PCDH15: variants seen among roughly 807,000 people sequenced by gnomAD.
PCDH15 encodes the protein protocadherin related 15.
In PCDH15, 129 loss-of-function variants were observed where a neutral mutation model predicts 178.5. That is an observed-to-expected ratio of 0.72 (90% CI 0.63 to 0.84). The LOEUF (loss-of-function observed/expected upper bound fraction) is 0.84. PCDH15 is among the 40% of genes least tolerant of loss of function. PCDH15 has a pLI of 0.00. For synonymous variants in PCDH15, 800 were observed against 732.0 expected (o/e 1.09, Z -1.50); for missense variants, 2,230 against 2,099.9 (o/e 1.06, Z -1.21).
At chr10:55,151,751 T>G (rs1838721402) in intron 2 of PCDH15, among the ~76,000 whole-genome samples, 1 of 152,102 alleles carries the variant, frequency 6.6e-6, no homozygotes, top group African/African-American at 2.4e-5. Flanking sequence ...ACTTTTATTA[T>G]GTTTCTGTTT....
intron 8 of PCDH15, among the ~76,000 whole-genome samples, chr10:54,252,657 T>C (rs909065830): frequency 3.3e-5 from 5 of 152,286 alleles, no homozygotes; most frequent in East Asian, 1.9e-4. Context: ...ATTATGTAAA[T>C]ATATCTTTCT....
intron 2 of PCDH15, among the ~76,000 whole-genome samples, chr10:54,938,762 T>A (rs1837976034): frequency 6.6e-6 from 1 of 152,200 alleles, no homozygotes; most frequent in Admixed American, 6.5e-5. Flanking sequence ...ATAATTTTGG[T>A]GATTGCAATC....
At chr10:54,594,032 G>A (rs1021439794) in intron 2 of PCDH15, among the ~76,000 whole-genome samples, 1 of 151,932 alleles carries the variant, frequency 6.6e-6, no homozygotes, top group Non-Finnish European at 1.5e-5. Flanking sequence ...GATGAAGCTG[G>A]GAATGCTGCA....
intron 1 of PCDH15, among the ~76,000 whole-genome samples, chr10:54,692,642 A>G (rs1457352658): frequency 1.3e-5 from 2 of 152,154 alleles, no homozygotes; most frequent in African/African-American, 4.8e-5. Context: ...AAGTTCCATA[A>G]CTTCTAAACG....
chr10:54,372,585 T>C (rs576977457), intron 4 of PCDH15, among the ~76,000 whole-genome samples: 81 of 151,896 alleles, frequency 5.3e-4, no homozygotes, highest in Non-Finnish European at 1.0e-3. Context: ...AGTCCATTAG[T>C]GAGAGTTTAG....
intron 2 of PCDH15, among the ~76,000 whole-genome samples, chr10:55,032,778 G>C (rs1209376284): frequency 1.3e-5 from 2 of 152,120 alleles, no homozygotes; most frequent in Admixed American, 1.3e-4. Context: ...GTTTTTAAAT[G>C]CTGTCATGCC....
At chr10:54,619,701 C>T (rs1023212719) in intron 2 of PCDH15, among the ~76,000 whole-genome samples, 1 of 152,010 alleles carries the variant, frequency 6.6e-6, no homozygotes, top group African/African-American at 2.4e-5. Context: ...TGCTATACTC[C>T]ACTTCTAACA....
intron 23 of PCDH15, among the ~76,000 whole-genome samples, chr10:53,958,410 T>C (rs549925266): frequency 5.9e-5 from 9 of 152,320 alleles, no homozygotes; most frequent in Middle Eastern, 3.4e-3. Context: ...AACTTAAAAC[T>C]GTGTTAATCA....
intron 1 of PCDH15, among the ~76,000 whole-genome samples, chr10:54,779,429 CAT>C (rs200324192): frequency 4.0e-5 from 4 of 99,710 alleles, no homozygotes; most frequent in Admixed American, 9.3e-5. Context: ...TATACACACA[CAT>C]ATGTGTATAT....
chr10:54,199,281 C>T (rs2133959055), intron 10 of PCDH15, among the ~76,000 whole-genome samples: 1 of 151,968 alleles, frequency 6.6e-6, no homozygotes, highest in South Asian at 2.1e-4. Flanking sequence ...ATTTATCTGT[C>T]CAGATGTGAA....
At chr10:54,941,954 A>C (rs1838074245) in intron 2 of PCDH15, among the ~76,000 whole-genome samples, 1 of 152,034 alleles carries the variant, frequency 6.6e-6, no homozygotes, top group Non-Finnish European at 1.5e-5. Flanking sequence ...CTGGTAAGCT[A>C]TCTGACACTC....
rs187848961 is a variant in PCDH15, at chr10:53,996,362, T to C, written c.2752-597A>G. On this transcript the variant is annotated intron_variant, in intron 20 of 37. Transcript: ENST00000644397. ...AACAATGTTAATTTACTGAATTTTT[T>C]TCAGAGCAACTTATATGTATCTTAT... Among the ~76,000 whole-genome samples, 723 of 152,292 alleles carry C rather than the reference T, an allele frequency of 4.7e-3. 1 individual carries two copies. Among genetic ancestry groups the C allele is most frequent in the Non-Finnish European group, 8.1e-3 (552 of 67,980 alleles).
intron 6 of PCDH15, among the ~76,000 whole-genome samples, chr10:54,337,590 T>C (rs1165447045): frequency 6.6e-6 from 1 of 152,202 alleles, no homozygotes; most frequent in Non-Finnish European, 1.5e-5. Context: ...ACAGATCCTG[T>C]TCTTGGTGCC....
intron 15 of PCDH15, among the ~76,000 whole-genome samples, chr10:54,090,481 A>G (rs998337966): frequency 7.9e-5 from 12 of 151,968 alleles, no homozygotes; most frequent in African/African-American, 2.9e-4. Context: ...TGTCTCTACC[A>G]AAAACACAAG....
intron 2 of PCDH15, among the ~76,000 whole-genome samples, chr10:55,503,863 A>C (rs1351032069): frequency 6.6e-6 from 1 of 151,386 alleles, no homozygotes. Flanking sequence ...ACATAACTAA[A>C]TATATTTTTA....
chr10:53,848,597 T>C (rs2078133433), intron 28 of PCDH15, among the ~76,000 whole-genome samples: 1 of 151,984 alleles, frequency 6.6e-6, no homozygotes. Flanking sequence ...CTTAGTGTTT[T>C]ATAAGTGAAT....
rs906323370 is a variant in PCDH15 at position 53,899,538 on chromosome 10, A to T, written c.3501+3705T>A. 1.1e-4 allele frequency among the ~76,000 whole-genome samples: 16 copies of T among 152,242 alleles called. No individual in the cohort carries two copies. In the East Asian group the frequency reaches 2.9e-3, roughly 28 times the overall value. On this transcript the variant is annotated intron_variant, in intron 26 of 37. Transcript: ENST00000644397. ...TCTTCTTTCCCTTCTTACACAAAGC[A>T]CATATTTACATTTAACTTTTATCAT...
intron 28 of PCDH15, among the ~76,000 whole-genome samples, chr10:53,856,279 G>T (rs958466481): frequency 6.6e-6 from 1 of 151,602 alleles, no homozygotes; most frequent in African/African-American, 2.4e-5. Context: ...CTAAATTAGG[G>T]TAATTAAGGG....
At position 54,153,262 on chromosome 10, in the gene PCDH15, T is replaced by C; in HGVS notation, c.1622A>G (p.Asn541Ser). 6.2e-7 allele frequency: 1 copy of C among 1,613,794 alleles called. No homozygotes were observed. The highest frequency in any genetic ancestry group is 1.1e-5 in the South Asian group (1 of 91,084). The change falls in exon 14 of 38, where the codon AAT becomes AGT. Residue 541 changes from asparagine (N) to serine (S), a missense_variant. By Grantham distance (46) the Asn-to-Ser change is conservative. Coordinates refer to ENST00000644397, the MANE Select transcript of PCDH15 (RefSeq NM_001384140.1). ...AAGGATTTCATATGTGATCTCCCCATTTGACCCTTCGTCTGCGTCGACTGC... is the reference window on the plus strand; with the variant it reads ...AAGGATTTCATATGTGATCTCCCCACTTGACCCTTCGTCTGCGTCGACTGC... The part of the protein sequence containing the change: ...LTAVDADEGS[N>S]GEITYEILVG...
Sources: allele counts gnomAD v4.1 joint callset (sites outside exome capture counted in the v4.1 genomes callset), GRCh38; gene constraint gnomAD v4.1.1; transcripts MANE v1.5; gene names NCBI Gene and HGNC (gene_info 2026-07-23, HGNC 2026-07-21).